The following CNTN4 variants were observed in gnomAD, a reference collection of about 807,000 sequenced individuals.
CNTN4 encodes contactin 4, also known as contactin-4.
CNTN4 carries 77 observed loss-of-function variants against 122.5 expected under a neutral mutation model. The observed-to-expected ratio is 0.63, with a 90% CI of 0.52 to 0.76. The LOEUF (loss-of-function observed/expected upper bound fraction) is 0.76. CNTN4 is among the 30% of genes least tolerant of loss of function. The pLI is 0.00. For missense variants in CNTN4, 1,256 were observed against 1,259.1 expected (o/e 1.00, Z 0.04); for synonymous variants, 512 against 447.0 (o/e 1.15, Z -1.83).
chr3:2,186,136 T>G lies in CNTN4; in HGVS notation c.-145+85497T>G, dbSNP rs902937117. Among the ~76,000 whole-genome samples, 6 of 144,486 alleles carry G rather than the reference T, an allele frequency of 4.2e-5. No individual in the cohort carries two copies. The Admixed American group carries it at 4.5e-4, about 11-fold the overall frequency. 94.8% of individuals were successfully genotyped at this position (144,486 alleles called of 152,430 possible). On this transcript the variant is annotated intron_variant, in intron 2 of 24. Coordinates refer to ENST00000418658, the MANE Select transcript of CNTN4 (RefSeq NM_175607.3). The stretch of plus-strand genomic sequence containing the variant: ...TGACGTTCCCCTTCCTGTGTCCAAG[T>G]GTTCTCATTGTTCAATTCCCACCTA...
chr3:2,513,244 C>T (rs561564373), intron 3 of CNTN4, among the ~76,000 whole-genome samples: 1 of 152,288 alleles, frequency 6.6e-6, no homozygotes, highest in South Asian at 2.1e-4. Flanking sequence ...CTCATGCCTT[C>T]TTACAAAACT....
chr3:2,770,232 G>T lies in CNTN4; in HGVS notation c.358+24535G>T, dbSNP rs141627805. 3.4e-3 allele frequency among the ~76,000 whole-genome samples: 517 copies of T among 152,144 alleles called. 3 individuals carry two copies. Among genetic ancestry groups the T allele is most frequent in the African/African-American group, 0.012 (504 of 41,532 alleles). ...TTTAGTAGAGACGGGGTTTCACTAT[G>T]TTGGCCAAGCTGGTCTTGAACTCCT... On this transcript the variant is annotated intron_variant, in intron 6 of 24. Transcript: ENST00000418658.
chr3:2,327,076 T>C (rs1205784823), intron 2 of CNTN4, among the ~76,000 whole-genome samples: 4 of 152,160 alleles, frequency 2.6e-5, no homozygotes, highest in East Asian at 1.9e-4. Context: ...AACTGATCTG[T>C]GGTAATTTGG....
intron 2 of CNTN4, among the ~76,000 whole-genome samples, chr3:2,240,582 T>C (rs2149606247): frequency 6.6e-6 from 1 of 152,226 alleles, no homozygotes; most frequent in East Asian, 1.9e-4. Flanking sequence ...ACCTACAAAA[T>C]TGTAATTTTG....
intron 7 of CNTN4, among the ~76,000 whole-genome samples, chr3:2,855,415 A>C (rs1316004043): frequency 6.6e-6 from 1 of 152,242 alleles, no homozygotes; most frequent in Non-Finnish European, 1.5e-5. Context: ...CAATGGAACT[A>C]ATCCTTATTC....
chr3:2,486,302 G>T (rs895660414), intron 3 of CNTN4, among the ~76,000 whole-genome samples: 1 of 152,186 alleles, frequency 6.6e-6, no homozygotes, highest in South Asian at 2.1e-4. Context: ...CCACCGTAAG[G>T]GTCCGCGGCT....
intron 2 of CNTN4, among the ~76,000 whole-genome samples, chr3:2,116,801 T>C (rs1328695643): frequency 1.3e-5 from 2 of 152,136 alleles, no homozygotes; most frequent in African/African-American, 4.8e-5. Context: ...TTACTAAACA[T>C]CTAATGTTGC....
chr3:3,033,837 C>T (rs1296410073), intron 16 of CNTN4, among the ~76,000 whole-genome samples: 1 of 152,162 alleles, frequency 6.6e-6, no homozygotes, highest in Admixed American at 6.5e-5. Flanking sequence ...TTCAAGCCTT[C>T]ATTTAAATCT....
intron 2 of CNTN4, among the ~76,000 whole-genome samples, chr3:2,112,776 T>A (rs185817180): frequency 8.5e-5 from 13 of 152,316 alleles, no homozygotes; most frequent in Admixed American, 5.9e-4. Context: ...TACATTTTTT[T>A]CTTCTGGTAA....
chr3:2,190,063 C>G (rs959883972), intron 2 of CNTN4, among the ~76,000 whole-genome samples: 1 of 152,184 alleles, frequency 6.6e-6, no homozygotes, highest in African/African-American at 2.4e-5. Context: ...ATTTCAAGGT[C>G]ACTGAATCAG....
intron 3 of CNTN4, among the ~76,000 whole-genome samples, chr3:2,533,281 C>T (rs547553908): frequency 6.6e-6 from 1 of 151,892 alleles, no homozygotes; most frequent in African/African-American, 2.4e-5. Flanking sequence ...CTTTCCCTCC[C>T]CCTCCCTCCA....
chr3:2,636,871 T>G (rs2082677335), intron 4 of CNTN4, among the ~76,000 whole-genome samples: 1 of 151,926 alleles, frequency 6.6e-6, no homozygotes, highest in Non-Finnish European at 1.5e-5. Context: ...TTTTAATTAT[T>G]TGTAATTATA....
chr3:2,336,091 C>G (rs376723521), intron 2 of CNTN4, among the ~76,000 whole-genome samples: 4 of 152,102 alleles, frequency 2.6e-5, no homozygotes, highest in African/African-American at 9.7e-5. Context: ...ATGCTAAAGA[C>G]ATGTGCTGAG....
At chr3:2,437,684 A>G (rs2048303130) in intron 3 of CNTN4, among the ~76,000 whole-genome samples, 2 of 152,194 alleles carry the variant, frequency 1.3e-5, no homozygotes, top group African/African-American at 2.4e-5. Context: ...CTCTGAAGCC[A>G]TTTTTTAAAT....
intron 3 of CNTN4, among the ~76,000 whole-genome samples, chr3:2,467,634 A>G (rs1204140283): frequency 6.6e-6 from 1 of 152,244 alleles, no homozygotes; most frequent in East Asian, 1.9e-4. Context: ...GTAAAGGTCC[A>G]GGTAGAATGC....
intron 2 of CNTN4, among the ~76,000 whole-genome samples, chr3:2,137,009 A>G (rs1315640515): frequency 2.0e-5 from 3 of 152,350 alleles, no homozygotes; most frequent in African/African-American, 7.2e-5. Context: ...GACATTTGTG[A>G]CATAACAAAT....
intron 3 of CNTN4, among the ~76,000 whole-genome samples, chr3:2,421,407 A>G (rs921556933): frequency 3.9e-5 from 6 of 152,054 alleles, no homozygotes; most frequent in African/African-American, 1.4e-4. Flanking sequence ...ACTTGCCACC[A>G]TGCCCAGCTA....
chr3:2,822,593 C>T (rs971854096), intron 7 of CNTN4, among the ~76,000 whole-genome samples: 4 of 152,170 alleles, frequency 2.6e-5, no homozygotes, highest in African/African-American at 2.4e-5. Context: ...ACCTTCATTG[C>T]ATTAAGTTTT....
chr3:2,580,829 T>A lies in CNTN4; in HGVS notation c.55+9271T>A, dbSNP rs183498795. On this transcript the variant is annotated intron_variant, in intron 4 of 24. Coordinates refer to ENST00000418658, the MANE Select transcript of CNTN4 (RefSeq NM_175607.3). ...ATCACCCTTAAACTCAAAACAACCC[T>A]CTGGGAGAGGTATTATCCTAAGTTC... Among the ~76,000 whole-genome samples the A allele has an allele frequency of 2.0e-5, 3 of 152,272 alleles. No homozygotes were observed. The East Asian group carries it at 5.8e-4, about 29-fold the overall frequency.
Sources: gnomAD v4.1 joint callset for allele counts (sites outside exome capture counted in the v4.1 genomes callset) on GRCh38, gnomAD v4.1.1 for gene constraint, MANE v1.5 for transcripts, NCBI Gene and HGNC (gene_info 2026-07-23, HGNC 2026-07-21) for gene names.